Variants in CFAP61 observed in about 807,000 individuals in gnomAD.
CFAP61 encodes the protein cilia and flagella associated protein 61.
In CFAP61, 107 loss-of-function variants were observed where a neutral mutation model predicts 135.6. That is an observed-to-expected ratio of 0.79 (90% CI 0.67 to 0.93). The LOEUF is 0.93. CFAP61 is among the 40% of genes least tolerant of loss of function. The pLI is 0.00. For synonymous variants in CFAP61, 575 were observed against 578.5 expected (o/e 0.99, Z 0.09); for missense variants, 1,507 against 1,556.2 (o/e 0.97, Z 0.53).
At chr20:20,274,596 G>A (rs1457715432) in intron 21 of CFAP61, among the ~76,000 whole-genome samples, 1 of 152,150 alleles carries the variant, frequency 6.6e-6, no homozygotes. Flanking sequence ...GAAAGGTGGA[G>A]GTTTCACTGA....
intron 8 of CFAP61, among the ~76,000 whole-genome samples, chr20:20,105,779 C>T (rs1260472540): frequency 6.8e-6 from 1 of 148,082 alleles, no homozygotes; most frequent in Non-Finnish European, 1.5e-5. Context: ...CTACAGGCGC[C>T]TGCCACCATG....
intron 17 of CFAP61, among the ~76,000 whole-genome samples, chr20:20,200,507 C>A (rs1365570360): frequency 1.3e-5 from 2 of 152,126 alleles, no homozygotes; most frequent in Admixed American, 6.5e-5. Flanking sequence ...CCTAGATATT[C>A]TTTATAAATG....
chr20:20,083,707 C>A (rs917523655), intron 6 of CFAP61, among the ~76,000 whole-genome samples: 2 of 152,062 alleles, frequency 1.3e-5, no homozygotes, highest in Non-Finnish European at 2.9e-5. Context: ...AGGGATAGGG[C>A]AATTACAGAT....
At chr20:20,135,107 C>T (rs1482736990) in intron 8 of CFAP61, among the ~76,000 whole-genome samples, 2 of 151,710 alleles carry the variant, frequency 1.3e-5, no homozygotes, top group African/African-American at 4.8e-5. Flanking sequence ...ATTATAAAGA[C>T]AGAAAAGGAA....
chr20:20,063,177 A>G lies in CFAP61; in HGVS notation c.143+6381A>G, dbSNP rs10211834. On this transcript the variant is annotated intron_variant, in intron 2 of 26. Transcript: ENST00000245957. ...AGATTCAGGGATTGGGTATGTCCCAAATAAATACAAGTTCTTGGAAGCAGA... is the reference window on the plus strand; with the variant it reads ...AGATTCAGGGATTGGGTATGTCCCAGATAAATACAAGTTCTTGGAAGCAGA... Among the ~76,000 whole-genome samples the G allele has an allele frequency of 2.8e-3, 432 of 152,366 alleles. 1 individual carries two copies. Among genetic ancestry groups the G allele is most frequent in the African/African-American group, 9.5e-3 (394 of 41,588 alleles).
intron 26 of CFAP61, among the ~76,000 whole-genome samples, chr20:20,353,910 A>G (rs981211390): frequency 1.3e-5 from 2 of 152,258 alleles, no homozygotes; most frequent in African/African-American, 4.8e-5. Context: ...GGAAAACAGT[A>G]TGGAGGTTCC....
At chr20:20,244,413 A>G (rs1433640976) in intron 18 of CFAP61, among the ~76,000 whole-genome samples, 5 of 152,162 alleles carry the variant, frequency 3.3e-5, no homozygotes, top group Non-Finnish European at 7.3e-5. Flanking sequence ...ACTTCTGTGT[A>G]CTCACAGGTT....
intron 26 of CFAP61, among the ~76,000 whole-genome samples, chr20:20,346,279 G>A (rs1469613877): frequency 2.7e-5 from 4 of 149,728 alleles, no homozygotes; most frequent in African/African-American, 9.8e-5. Context: ...CACTTTGGGA[G>A]GCCGAGGCAG....
chr20:20,277,523 G>C (rs1206398700), intron 22 of CFAP61, 65 bp downstream of exon 22: 1 of 1,488,566 alleles, frequency 6.7e-7, no homozygotes, highest in Non-Finnish European at 9.0e-7. Flanking sequence ...AGGGATTTGG[G>C]GGTCTGGAAG....
intron 26 of CFAP61, among the ~76,000 whole-genome samples, chr20:20,358,249 C>G (rs1170319295): frequency 7.1e-6 from 1 of 140,656 alleles, no homozygotes; most frequent in Non-Finnish European, 1.5e-5. Context: ...AGTGGTCACA[C>G]TGAGGGGAAT....
intron 25 of CFAP61, among the ~76,000 whole-genome samples, chr20:20,313,615 TC>T (rs1439043731): frequency 1.3e-5 from 2 of 152,132 alleles, no homozygotes; most frequent in Non-Finnish European, 2.9e-5. Flanking sequence ...TTAAGTTCAT[TC>T]TCTAGGCATA....
chr20:20,093,980 A>G (rs1202849928), intron 7 of CFAP61, among the ~76,000 whole-genome samples: 1 of 152,062 alleles, frequency 6.6e-6, no homozygotes, highest in African/African-American at 2.4e-5. Context: ...CCTGACCTCA[A>G]TCTGGATTTT....
At chr20:20,272,527 A>G (rs892775555) in intron 21 of CFAP61, among the ~76,000 whole-genome samples, 17 of 152,208 alleles carry the variant, frequency 1.1e-4, no homozygotes, top group Admixed American at 3.3e-4. Flanking sequence ...CTATACAGCT[A>G]TCACGCTGTT....
chr20:20,132,857 C>G (rs2050646971), intron 8 of CFAP61, among the ~76,000 whole-genome samples: 1 of 151,916 alleles, frequency 6.6e-6, no homozygotes, highest in Non-Finnish European at 1.5e-5. Flanking sequence ...TCCTGTCCTT[C>G]TATTTTTACC....
chr20:20,348,812 AC>A (rs1275758537), intron 26 of CFAP61, among the ~76,000 whole-genome samples: 22 of 151,730 alleles, frequency 1.4e-4, no homozygotes, highest in Admixed American at 2.6e-4. Context: ...AAAAAAAAAA[AC>A]AAACTGTCAA....
chr20:20,340,622 G>A (rs185406480), intron 25 of CFAP61, among the ~76,000 whole-genome samples: 69 of 152,240 alleles, frequency 4.5e-4, no homozygotes, highest in Non-Finnish European at 9.0e-4. Flanking sequence ...TGGGCTGTTG[G>A]AACAGGCAGC....
chr20:20,075,686 C>T, intron 6 of CFAP61, 71 bp downstream of exon 6: 1 of 1,544,068 alleles, frequency 6.5e-7, no homozygotes. Flanking sequence ...ACTCTTTAAA[C>T]TACCAATGCT....
intron 7 of CFAP61, among the ~76,000 whole-genome samples, chr20:20,098,166 T>C (rs551439076): frequency 1.3e-5 from 2 of 152,152 alleles, no homozygotes; most frequent in African/African-American, 2.4e-5. Context: ...TGGTCACTTA[T>C]TGGGACATTT....
In CFAP61 at chr20:20,269,152, C is replaced by CACACACACACACATACATATATGTATAT. The variant is rs1569219274; in HGVS notation, c.2503+6032_2503+6059dup. 7.0e-3 allele frequency among the ~76,000 whole-genome samples: 626 copies of CACACACACACACATACATATATGTATAT among 89,394 alleles called. 15 individuals carry two copies. The highest frequency in any genetic ancestry group is 0.022 in the African/African-American group (594 of 27,012). The allele number at this position is 89,394 out of a possible 152,430, so 58.6% of individuals were successfully genotyped here. On this transcript the variant is annotated intron_variant, in intron 21 of 26. Coordinates refer to ENST00000245957, the MANE Select transcript of CFAP61 (RefSeq NM_015585.4). ...ATATATATATATATATATATACACA[C>CACACACACACACATACATATATGTATAT]ACACACACACACATACATATATGTA... is the stretch of plus-strand genomic sequence containing the variant.
Sources: gnomAD v4.1 joint callset for allele counts (sites outside exome capture counted in the v4.1 genomes callset) on GRCh38, gnomAD v4.1.1 for gene constraint, MANE v1.5 for transcripts, NCBI Gene and HGNC (gene_info 2026-07-23, HGNC 2026-07-21) for gene names.